Variants in IQCF1 observed in about 807,000 individuals in gnomAD.
The protein encoded by IQCF1 is IQ motif containing F1, also known as IQ domain-containing protein F1.
Under a neutral mutation model 12.5 loss-of-function variants are expected in IQCF1, and 9 were observed. The observed-to-expected ratio is 0.72, with a 90% CI of 0.43 to 1.26. The LOEUF is 1.26. Among genes scored for constraint, IQCF1 ranks in the 50% most tolerant of loss-of-function variants. The pLI is 0.00. For synonymous variants in IQCF1, 67 were observed against 96.2 expected (o/e 0.70, Z 1.78); for missense variants, 252 against 257.4 (o/e 0.98, Z 0.14).
Position 51,902,987 on chromosome 3 carries a change from C to T in IQCF1, c.106G>A (p.Glu36Lys), listed in dbSNP as rs781591419. 6.2e-6 allele frequency: 10 copies of T among 1,612,176 alleles called. No homozygotes were observed. Among genetic ancestry groups the T allele is most frequent in the East Asian group, 4.5e-5 (2 of 44,888 alleles). Reference sequence around the variant, plus strand: ...ATCCAAGTCAGGGCTCCTCCTACCTCTGCCTTTGACTCTGCTCCTAAGGAC... The same window carrying T: ...ATCCAAGTCAGGGCTCCTCCTACCTTTGCCTTTGACTCTGCTCCTAAGGAC... ...HLSLGAESKA[E>K]AKTPVLVETQ... is the part of the protein sequence containing the mutation. The change falls in exon 2 of 4, where the codon GAG becomes AAG. Residue 36 changes from glutamate (E) to lysine (K), a missense_variant and splice_region_variant. Transcript: ENST00000310914.
chr3:51,897,515 C>T (rs1577635550), intron 2 of IQCF1, among the ~76,000 whole-genome samples: 1 of 152,232 alleles, frequency 6.6e-6, no homozygotes, highest in Non-Finnish European at 1.5e-5. Flanking sequence ...TGCCCCACCC[C>T]CTTGTGGCAG....
chr3:51,900,556 A>T lies in IQCF1; in HGVS notation c.108+2429T>A, dbSNP rs1480542794. ...CCTCCTGACTCTCCTCAGACTGGGTATTAGTGAATTGGGACCATTTAATCC... is the reference window on the plus strand; with the variant it reads ...CCTCCTGACTCTCCTCAGACTGGGTTTTAGTGAATTGGGACCATTTAATCC... On this transcript the variant is annotated intron_variant, in intron 2 of 3. Coordinates refer to ENST00000310914, the MANE Select transcript of IQCF1 (RefSeq NM_152397.3). The surrounding 1 kb of genome is among the most constrained non-coding windows in gnomAD (Gnocchi z 4.2). 6.6e-6 allele frequency among the ~76,000 whole-genome samples: 1 copy of T among 152,210 alleles called. No homozygotes were observed. Among genetic ancestry groups the T allele is most frequent in the African/African-American group, 2.4e-5 (1 of 41,444 alleles).
intron 3 of IQCF1, among the ~76,000 whole-genome samples, chr3:51,896,269 C>T (rs1053320485): frequency 6.6e-6 from 1 of 152,332 alleles, no homozygotes; most frequent in Admixed American, 6.5e-5. Flanking sequence ...AACCAATTGT[C>T]AGTCAAAAGA....
chr3:51,897,202 T>A (rs930328584), intron 2 of IQCF1, among the ~76,000 whole-genome samples: 10 of 151,846 alleles, frequency 6.6e-5, no homozygotes, highest in African/African-American at 2.2e-4. Context: ...AATTAGCTGA[T>A]CAGAATTAGT....
Position 51,894,951 on chromosome 3 carries a change from A to G in IQCF1, c.557T>C (p.Ile186Thr). ...AATGCAAGGCCCTGAGTCCAGCAAG[A>G]TCTCCAGCTGGAGATGCAGCTGGTT... Reference protein sequence around the residue: ...TANQLHLQLEILLDSGPCIVT... With the variant: ...TANQLHLQLETLLDSGPCIVT... The change falls in exon 4 of 4, where the codon ATC becomes ACC. Residue 186 changes from isoleucine to threonine, a missense_variant. Transcript: ENST00000310914. The G allele has an allele frequency of 6.2e-7, 1 of 1,614,174 alleles. No homozygotes were observed. Among genetic ancestry groups the G allele is most frequent in the Non-Finnish European group, 8.5e-7 (1 of 1,180,032 alleles).
At chr3:51,896,075 G>C (rs1698999543) in intron 3 of IQCF1, among the ~76,000 whole-genome samples, 1 of 152,184 alleles carries the variant, frequency 6.6e-6, no homozygotes. Context: ...AACATAGCTA[G>C]ATCTTTTTCT....
At chr3:51,899,804 A>T (rs1699054264) in intron 2 of IQCF1, among the ~76,000 whole-genome samples, 1 of 152,246 alleles carries the variant, frequency 6.6e-6, no homozygotes, top group Admixed American at 6.5e-5. Flanking sequence ...AGGTTTTATT[A>T]AAATTAAGTT....
intron 2 of IQCF1, among the ~76,000 whole-genome samples, chr3:51,898,226 G>A (rs1699034529): frequency 6.9e-6 from 1 of 145,066 alleles, no homozygotes; most frequent in Admixed American, 7.1e-5. Flanking sequence ...CAAAGAGAGA[G>A]AGAAAGAGAC....
At chr3:51,897,296 C>A (rs1334873316) in intron 2 of IQCF1, among the ~76,000 whole-genome samples, 1 of 152,244 alleles carries the variant, frequency 6.6e-6, no homozygotes. Context: ...AACCCCTTCC[C>A]CTCCCTTGTC....
Position 51,900,450 on chromosome 3 carries a change from C to T in IQCF1, c.108+2535G>A, listed in dbSNP as rs1003518419. On this transcript the variant is annotated intron_variant, in intron 2 of 3. Coordinates refer to ENST00000310914, the MANE Select transcript of IQCF1 (RefSeq NM_152397.3). This position sits in a 1 kb window ranked among gnomAD's most constrained non-coding sequence, Gnocchi z 4.2. The stretch of plus-strand genomic sequence containing the variant: ...AAGTCAATTTCACTTCAAACTATTG[C>T]ATTTGATGCTTGCCTTGTTATACCC... 1.3e-5 allele frequency among the ~76,000 whole-genome samples: 2 copies of T among 152,226 alleles called. No homozygotes were observed. Among genetic ancestry groups the T allele is most frequent in the Non-Finnish European group, 2.9e-5 (2 of 68,044 alleles).
At chr3:51,896,718 CACACACACACAT>C in intron 3 of IQCF1, 102 bp downstream of exon 3, 3 of 808,202 alleles carry the variant, frequency 3.7e-6, no homozygotes, top group Non-Finnish European at 6.6e-6. Flanking sequence ...CACACGCACA[CACACACACACAT>C]ACTTCTAACT....
At chr3:51,898,711 A>C (rs1324967931) in intron 2 of IQCF1, among the ~76,000 whole-genome samples, 2 of 152,220 alleles carry the variant, frequency 1.3e-5, no homozygotes, top group African/African-American at 2.4e-5. Context: ...TTAACCACTG[A>C]AAATTCCCTT....
At chr3:51,903,176 G>A in intron 1 of IQCF1, 87 bp from the exon 2 acceptor site, 2 of 1,588,576 alleles carry the variant, frequency 1.3e-6, no homozygotes, top group East Asian at 2.2e-5. Context: ...AGCTTCCAGG[G>A]CTTCTTAGAG....
rs374218739 is a variant in IQCF1 at position 51,902,358 on chromosome 3, A to G, written c.108+627T>C. ...TTTAAAGAGAAAGAGCTGTAAGGAAATGCAAGAGGAGAAGTTGTTAGGTAT... is the reference window on the plus strand; with the variant it reads ...TTTAAAGAGAAAGAGCTGTAAGGAAGTGCAAGAGGAGAAGTTGTTAGGTAT... On this transcript the variant is annotated intron_variant, in intron 2 of 3. Coordinates refer to ENST00000310914, the MANE Select transcript of IQCF1 (RefSeq NM_152397.3). Among the ~76,000 whole-genome samples, 33 of 152,346 alleles carry G rather than the reference A, an allele frequency of 2.2e-4. No homozygotes were observed. In the East Asian group the frequency reaches 5.6e-3, roughly 26 times the overall value.
chr3:51,898,259 AG>A (rs1699035293), intron 2 of IQCF1, among the ~76,000 whole-genome samples: 1 of 86 alleles, frequency 0.012, no homozygotes, highest in Non-Finnish European at 0.028. Flanking sequence ...AGGGAGTCAG[AG>A]AGAGAGAGAG....
chr3:51,900,238 C>T lies in IQCF1; in HGVS notation c.108+2747G>A, dbSNP rs1011172318. ...AACCACCGAGACTGCTGTTGTACAG[C>T]GGAAAGGGGATGGACTCACCACACC... On this transcript the variant is annotated intron_variant, in intron 2 of 3. Coordinates refer to ENST00000310914, the MANE Select transcript of IQCF1 (RefSeq NM_152397.3). The surrounding 1 kb of genome is among the most constrained non-coding windows in gnomAD (Gnocchi z 4.2). Among the ~76,000 whole-genome samples the T allele has an allele frequency of 1.6e-4, 24 of 152,140 alleles. No homozygotes were observed. Among genetic ancestry groups the T allele is most frequent in the South Asian group, 4.1e-4 (2 of 4,820 alleles).
At chr3:51,898,416 G>A (rs1477709231) in intron 2 of IQCF1, among the ~76,000 whole-genome samples, 2 of 152,238 alleles carry the variant, frequency 1.3e-5, no homozygotes, top group African/African-American at 2.4e-5. Context: ...GTAAACAAGG[G>A]CGTAGCCCGA....
At chr3:51,902,373 T>C (rs887847537) in intron 2 of IQCF1, among the ~76,000 whole-genome samples, 1 of 152,224 alleles carries the variant, frequency 6.6e-6, no homozygotes, top group Admixed American at 6.5e-5. Flanking sequence ...AGAGGAGAAG[T>C]TGTTAGGTAT....
At position 51,895,711 on chromosome 3, in the gene IQCF1, C is replaced by A. The variant is rs1157620568; in HGVS notation, c.172-375G>T. Among the ~76,000 whole-genome samples the A allele has an allele frequency of 6.6e-6, 1 of 152,206 alleles. No individual in the cohort carries two copies. Among genetic ancestry groups the A allele is most frequent in the African/African-American group, 2.4e-5 (1 of 41,456 alleles). ...CTTTCTTTCAGACCCCTTCCACCTA[C>A]TGGAGAAGTCACATCCTTTGCCGGC... On this transcript the variant is annotated intron_variant, in intron 3 of 3. Transcript: ENST00000310914. The surrounding 1 kb of genome is among the most constrained non-coding windows in gnomAD (Gnocchi z 4.8).
Sources: allele counts gnomAD v4.1 joint callset (sites outside exome capture counted in the v4.1 genomes callset), GRCh38; gene constraint gnomAD v4.1.1; non-coding constraint Gnocchi (gnomAD v3.1); transcripts MANE v1.5; gene names NCBI Gene and HGNC (gene_info 2026-07-23, HGNC 2026-07-21).